DNM3: variants seen among roughly 807,000 people sequenced by gnomAD.
DNM3 encodes the protein dynamin-3.
DNM3 carries 47 observed loss-of-function variants against 101.6 expected under a neutral mutation model. The observed-to-expected ratio is 0.46, with a 90% confidence interval of 0.37 to 0.59. DNM3 has a LOEUF of 0.59. Among genes scored for constraint, DNM3 ranks in the 20% least tolerant of loss-of-function variants. DNM3 has a pLI of 0.00. For synonymous variants in DNM3, 385 were observed against 387.9 expected (o/e 0.99, Z 0.09); for missense variants, 849 against 1,085.7 (o/e 0.78, Z 3.06).
Position 172,340,635 on chromosome 1 carries a change from G to A in DNM3, c.1893+17295G>A, listed in dbSNP as rs116000980. On this transcript the variant is annotated intron_variant, in intron 17 of 20. Coordinates refer to ENST00000627582, the MANE Select transcript of DNM3 (RefSeq NM_015569.5). Reference sequence around the variant, plus strand: ...GCACATTTCATTGATTCATGGAGTAGAATTTCCCTTCACTAAATCAATGCA... The same window carrying A: ...GCACATTTCATTGATTCATGGAGTAAAATTTCCCTTCACTAAATCAATGCA... Among the ~76,000 whole-genome samples, 681 of 152,328 alleles carry A rather than the reference G, an allele frequency of 4.5e-3. 7 individuals carry two copies. Among genetic ancestry groups the A allele is most frequent in the African/African-American group, 0.016 (649 of 41,574 alleles).
intron 2 of DNM3, among the ~76,000 whole-genome samples, chr1:171,944,855 C>CGTTTT: frequency 2.3e-5 from 2 of 87,430 alleles, no homozygotes; most frequent in African/African-American, 1.0e-4. Flanking sequence ...TTGGTGTTTC[C>CGTTTT]TTTTTTTTTT....
intron 1 of DNM3, among the ~76,000 whole-genome samples, chr1:171,855,385 T>C (rs2033487052): frequency 6.6e-6 from 1 of 152,222 alleles, no homozygotes; most frequent in African/African-American, 2.4e-5. Context: ...TTTCTCTGGG[T>C]ATATACCCAG....
chr1:172,318,536 A>G (rs1197586224), intron 16 of DNM3, among the ~76,000 whole-genome samples: 2 of 152,218 alleles, frequency 1.3e-5, no homozygotes. Flanking sequence ...AACTTCAGCA[A>G]AGTCTCAGGA....
At chr1:172,093,591 C>A in intron 13 of DNM3, 1 of 932,778 alleles carries the variant, frequency 1.1e-6, no homozygotes, top group Non-Finnish European at 1.6e-6. Context: ...GAAACCTCTG[C>A]TCTAGATTTT....
intron 2 of DNM3, among the ~76,000 whole-genome samples, chr1:171,942,876 C>A (rs1034476659): frequency 6.6e-6 from 1 of 152,124 alleles, no homozygotes; most frequent in African/African-American, 2.4e-5. Flanking sequence ...CTTTGGGAAG[C>A]TGAGGCAGGA....
intron 1 of DNM3, among the ~76,000 whole-genome samples, chr1:171,897,491 T>G (rs2037917870): frequency 6.6e-6 from 1 of 152,210 alleles, no homozygotes; most frequent in South Asian, 2.1e-4. Context: ...GTAGAACAGA[T>G]GTCAGGGATT....
chr1:171,897,328 A>G (rs2037903663), intron 1 of DNM3, among the ~76,000 whole-genome samples: 1 of 152,212 alleles, frequency 6.6e-6, no homozygotes, highest in Non-Finnish European at 1.5e-5. Context: ...GCTCCTTCCA[A>G]ATGTCTAATT....
intron 4 of DNM3, among the ~76,000 whole-genome samples, chr1:172,009,032 CAA>C (rs1047253129): frequency 4.7e-5 from 6 of 126,926 alleles, no homozygotes; most frequent in East Asian, 2.0e-4. Context: ...TTTATATATA[CAA>C]TATATATTTA....
chr1:172,387,432 C>T (rs373062618), intron 19 of DNM3, 73 bp downstream of exon 19: 468 of 1,265,546 alleles, frequency 3.7e-4, no homozygotes, highest in Non-Finnish European at 4.7e-4. Context: ...CCGAGGCGGG[C>T]GGATCACGAG....
chr1:172,096,433 T>A (rs1245476625), intron 13 of DNM3, among the ~76,000 whole-genome samples: 1 of 152,154 alleles, frequency 6.6e-6, no homozygotes, highest in Non-Finnish European at 1.5e-5. Flanking sequence ...ATTGTGGTGA[T>A]CCGGGCTTGG....
intron 7 of DNM3, among the ~76,000 whole-genome samples, chr1:172,041,076 A>ATTTG (rs2125834072): frequency 6.6e-6 from 1 of 152,254 alleles, no homozygotes; most frequent in South Asian, 2.1e-4. Flanking sequence ...TCACAAATCT[A>ATTTG]TGTTATTCTG....
chr1:172,106,170 C>T (rs985422784), intron 13 of DNM3, among the ~76,000 whole-genome samples: 1 of 152,006 alleles, frequency 6.6e-6, no homozygotes, highest in Non-Finnish European at 1.5e-5. Context: ...CCTGTAATCC[C>T]ATCACTTTGG....
At chr1:172,026,321 C>T (rs993498019) in intron 4 of DNM3, among the ~76,000 whole-genome samples, 5 of 152,056 alleles carry the variant, frequency 3.3e-5, no homozygotes, top group African/African-American at 1.2e-4. Flanking sequence ...AAAGACCAAG[C>T]CTGCATGTGA....
chr1:172,029,920 T>TG (rs1023967116), intron 4 of DNM3, among the ~76,000 whole-genome samples: 14 of 152,128 alleles, frequency 9.2e-5, no homozygotes. Flanking sequence ...TACAAATAAA[T>TG]GGAAAAACAT....
intron 14 of DNM3, among the ~76,000 whole-genome samples, chr1:172,213,513 G>GTTA (rs2060582714): frequency 2.0e-5 from 1 of 50,304 alleles, no homozygotes; most frequent in African/African-American, 1.9e-4. Context: ...AGAATCCATT[G>GTTA]TTACAAAAAA....
chr1:172,237,842 T>C (rs1188213747), intron 14 of DNM3, among the ~76,000 whole-genome samples: 1 of 152,198 alleles, frequency 6.6e-6, no homozygotes, highest in Non-Finnish European at 1.5e-5. Context: ...TATATTCTTT[T>C]AGGAAACATA....
intron 18 of DNM3, chr1:172,380,878 T>C (rs1027949988): frequency 1.3e-5 from 2 of 149,928 alleles, no homozygotes; most frequent in Non-Finnish European, 3.0e-5. Flanking sequence ...CTGCCATCAG[T>C]TCAAACGCTG....
At chr1:172,164,567 T>C (rs772332460) in intron 14 of DNM3, among the ~76,000 whole-genome samples, 3 of 152,046 alleles carry the variant, frequency 2.0e-5, no homozygotes, top group South Asian at 4.1e-4. Flanking sequence ...TAGCTTCAAA[T>C]CAAAGGAGGC....
intron 15 of DNM3, among the ~76,000 whole-genome samples, chr1:172,297,725 A>T (rs1206964853): frequency 6.6e-6 from 1 of 152,086 alleles, no homozygotes; most frequent in Non-Finnish European, 1.5e-5. Context: ...TACAAGGTTT[A>T]TCTGGGAGTA....
Sources: allele counts gnomAD v4.1 joint callset (sites outside exome capture counted in the v4.1 genomes callset), GRCh38; gene constraint gnomAD v4.1.1; transcripts MANE v1.5; gene names NCBI Gene and HGNC (gene_info 2026-07-23, HGNC 2026-07-21).